The following NRXN1 variants were observed in gnomAD, a reference collection of about 807,000 sequenced individuals.
NRXN1 encodes the protein neurexin 1, also known as neurexin-1.
NRXN1 carries 39 observed loss-of-function variants against 150.9 expected under a neutral mutation model. That is an observed-to-expected ratio of 0.26 (90% CI 0.20 to 0.34). The LOEUF is 0.34. NRXN1 is among the 10% of genes least tolerant of loss of function. The probability of loss-of-function intolerance (pLI) is 1.00; values close to 1 mark genes in which losing one functional copy is unlikely to be tolerated. For missense variants in NRXN1, 1,815 were observed against 1,949.9 expected, an observed-to-expected ratio of 0.93 and a Z score of 1.30; for synonymous variants, 924 against 757.0, an observed-to-expected ratio of 1.22 and a Z score of -3.62.
At chr2:50,853,265 AC>A (rs1178572775) in intron 5 of NRXN1, among the ~76,000 whole-genome samples, 1 of 152,132 alleles carries the variant, frequency 6.6e-6, no homozygotes, top group African/African-American at 2.4e-5. Flanking sequence ...ACAGTAGGAT[AC>A]CAGTGAGGAT....
intron 15 of NRXN1, among the ~76,000 whole-genome samples, chr2:50,493,450 T>G (rs1247246973): frequency 6.6e-6 from 1 of 152,210 alleles, no homozygotes; most frequent in Non-Finnish European, 1.5e-5. Flanking sequence ...TTCTCTGTCC[T>G]ATAAGTGCTC....
At chr2:50,320,283 CATATATATATATATATATATAT>C (rs61282635) in intron 17 of NRXN1, among the ~76,000 whole-genome samples, 8 of 43,056 alleles carry the variant, frequency 1.9e-4, no homozygotes, top group Middle Eastern at 0.029. Flanking sequence ...ATACCTCAAT[CATATATATATATATATATATAT>C]ATATATATAT....
At chr2:50,491,054 T>G (rs2091224461) in intron 15 of NRXN1, among the ~76,000 whole-genome samples, 1 of 152,286 alleles carries the variant, frequency 6.6e-6, no homozygotes, top group Admixed American at 6.5e-5. Context: ...CATATCCTGC[T>G]CTAACGTTAA....
chr2:50,460,736 C>G (rs996110676), intron 17 of NRXN1, among the ~76,000 whole-genome samples: 7 of 151,948 alleles, frequency 4.6e-5, no homozygotes, highest in Non-Finnish European at 1.0e-4. Flanking sequence ...AATCCTTTAT[C>G]ATTCACCTGA....
chr2:50,222,269 T>C (rs2063956642), intron 18 of NRXN1, among the ~76,000 whole-genome samples: 1 of 152,018 alleles, frequency 6.6e-6, no homozygotes. Context: ...GGAAAGTTTG[T>C]GACTGAAGTT....
intron 5 of NRXN1, among the ~76,000 whole-genome samples, chr2:50,709,305 T>G (rs1042499611): frequency 4.6e-5 from 7 of 152,106 alleles, no homozygotes; most frequent in Non-Finnish European, 7.4e-5. Context: ...CTTTATGGGG[T>G]TTACATTCTA....
chr2:50,126,487 A>C (rs2152742507), intron 18 of NRXN1, among the ~76,000 whole-genome samples: 1 of 143,860 alleles, frequency 7.0e-6, no homozygotes, highest in African/African-American at 2.5e-5. Context: ...CATATTTCCT[A>C]TGGATTTACA....
intron 21 of NRXN1, among the ~76,000 whole-genome samples, chr2:50,046,752 T>A (rs1215630057): frequency 6.6e-6 from 1 of 151,970 alleles, no homozygotes; most frequent in Non-Finnish European, 1.5e-5. Context: ...GCTTCTGGAG[T>A]CAACGCCCTT....
intron 2 of NRXN1, 132 bp downstream of exon 2, chr2:51,027,370 A>G: frequency 1.1e-6 from 1 of 928,328 alleles, no homozygotes; most frequent in Non-Finnish European, 1.5e-6. Flanking sequence ...TCCCCCAGAA[A>G]CAAGGTCCTT....
intron 5 of NRXN1, among the ~76,000 whole-genome samples, chr2:50,902,503 A>G (rs905619635): frequency 3.3e-5 from 5 of 152,218 alleles, no homozygotes; most frequent in Non-Finnish European, 7.3e-5. Flanking sequence ...AAACACTACC[A>G]GTGAAACAAC....
chr2:50,328,502 C>T (rs943568956), intron 17 of NRXN1, among the ~76,000 whole-genome samples: 6 of 152,042 alleles, frequency 3.9e-5, no homozygotes, highest in South Asian at 2.1e-4. Context: ...TTTGGGAGGC[C>T]GAAGTGGGTG....
intron 17 of NRXN1, among the ~76,000 whole-genome samples, chr2:50,443,590 G>A (rs987749644): frequency 6.6e-6 from 1 of 152,180 alleles, no homozygotes; most frequent in Non-Finnish European, 1.5e-5. Context: ...CTCTAAATCA[G>A]TATGTGATCT....
chr2:50,723,494 A>G (rs1203123247), intron 5 of NRXN1, among the ~76,000 whole-genome samples: 1 of 152,232 alleles, frequency 6.6e-6, no homozygotes, highest in Non-Finnish European at 1.5e-5. Context: ...TGTTATGTGG[A>G]AAGTCGGGAT....
intron 17 of NRXN1, among the ~76,000 whole-genome samples, chr2:50,285,559 C>G (rs984371602): frequency 6.6e-6 from 1 of 152,180 alleles, no homozygotes; most frequent in Non-Finnish European, 1.5e-5. Flanking sequence ...AAGCTCCACA[C>G]AGTGGTCCTG....
intron 15 of NRXN1, among the ~76,000 whole-genome samples, chr2:50,488,634 C>T (rs11125312): frequency 0.055 from 8,305 of 152,184 alleles, 783 homozygotes; most frequent in African/African-American, 0.19. Flanking sequence ...TGTAATGCTA[C>T]ATCCTGTCTC....
intron 17 of NRXN1, among the ~76,000 whole-genome samples, chr2:50,253,880 T>G (rs1014086734): frequency 4.6e-5 from 7 of 152,006 alleles, no homozygotes; most frequent in Non-Finnish European, 7.4e-5. Flanking sequence ...TTTCTTTTTT[T>G]TTGTTGTATC....
chr2:50,445,754 C>T lies in NRXN1; in HGVS notation c.3364+19688G>A, dbSNP rs146907440. On this transcript the variant is annotated intron_variant, in intron 17 of 22. Coordinates refer to ENST00000401669, the MANE Select transcript of NRXN1 (RefSeq NM_001330078.2). ...AGGACTTTCACAGCAAATGAGCAAA[C>T]GGTATGACAGAAAAATAGGGTATGT... is the stretch of plus-strand genomic sequence containing the variant. Among the ~76,000 whole-genome samples the T allele has an allele frequency of 2.4e-4, 36 of 152,140 alleles. 1 individual carries two copies. The East Asian group carries it at 2.7e-3, about 11-fold the overall frequency.
At chr2:50,324,039 C>T (rs189734419) in intron 17 of NRXN1, among the ~76,000 whole-genome samples, 1 of 152,044 alleles carries the variant, frequency 6.6e-6, no homozygotes, top group African/African-American at 2.4e-5. Flanking sequence ...GGCCCGAGGA[C>T]GGGAAGGCTT....
chr2:50,921,346 T>G (rs1254798480), intron 5 of NRXN1, among the ~76,000 whole-genome samples: 1 of 151,824 alleles, frequency 6.6e-6, no homozygotes, highest in Non-Finnish European at 1.5e-5. Flanking sequence ...AGAAATGTCT[T>G]GCTCCTCTGT....
Sources: gnomAD v4.1 joint callset for allele counts (sites outside exome capture counted in the v4.1 genomes callset) on GRCh38, gnomAD v4.1.1 for gene constraint, MANE v1.5 for transcripts, NCBI Gene and HGNC (gene_info 2026-07-23, HGNC 2026-07-21) for gene names.